Variants in SLC43A2 observed in about 807,000 individuals in gnomAD.
SLC43A2 encodes solute carrier family 43 member 2.
A neutral mutation model predicts 63.2 loss-of-function variants in SLC43A2; 38 were observed. The ratio of observed to expected loss-of-function variants is 0.60; its 90% CI spans 0.46 to 0.79. The LOEUF is 0.79. SLC43A2 is among the 30% of genes least tolerant of loss of function. The pLI, the probability that SLC43A2 is intolerant of heterozygous loss-of-function variation, is 0.00. For missense variants in SLC43A2, 644 were observed against 756.2 expected (o/e 0.85, Z 1.74); for synonymous variants, 322 against 331.0 (o/e 0.97, Z 0.30).
chr17:1,626,015 C>A (rs1308844581), intron 2 of SLC43A2, among the ~76,000 whole-genome samples: 21 of 135,330 alleles, frequency 1.6e-4, no homozygotes, highest in Non-Finnish European at 2.8e-4. Flanking sequence ...TAAAAAAAAA[C>A]AAAAAACAAA....
chr17:1,606,415 C>T lies in SLC43A2; in HGVS notation c.501+6780G>A, dbSNP rs1026836703. Among the ~76,000 whole-genome samples, 7 of 152,356 alleles carry T rather than the reference C, an allele frequency of 4.6e-5. No homozygotes were observed. Among genetic ancestry groups the T allele is most frequent in the African/African-American group, 1.7e-4 (7 of 41,580 alleles). On this transcript the variant is annotated intron_variant, in intron 5 of 13. Transcript: ENST00000301335. The surrounding 1 kb of genome is among the most constrained non-coding windows in gnomAD (Gnocchi z 4.7). Reference sequence around the variant, plus strand: ...TGAAGGAATCAAAAGGGAAAATCCACAGAGAAATGTCTCATCGGGGAGCCT... The same window carrying T: ...TGAAGGAATCAAAAGGGAAAATCCATAGAGAAATGTCTCATCGGGGAGCCT...
chr17:1,589,769 C>T (rs975521240), intron 9 of SLC43A2, among the ~76,000 whole-genome samples: 9 of 152,148 alleles, frequency 5.9e-5, no homozygotes, highest in African/African-American at 2.2e-4. Context: ...CAGGGGCCCA[C>T]CACCACGCCT....
intron 5 of SLC43A2, among the ~76,000 whole-genome samples, chr17:1,598,984 G>A (rs895851488): frequency 3.9e-5 from 6 of 152,186 alleles, no homozygotes; most frequent in African/African-American, 1.4e-4. Flanking sequence ...GTGCCTCAGG[G>A]GAACCACACT....
intron 2 of SLC43A2, 39 bp from the exon 3 acceptor site, chr17:1,616,808 T>C (rs755890998): frequency 2.5e-6 from 4 of 1,600,710 alleles, no homozygotes; most frequent in Non-Finnish European, 3.4e-6. Context: ...CTCAGGGTCA[T>C]GACAGGGATT....
At chr17:1,623,485 C>T (rs931026440) in intron 2 of SLC43A2, among the ~76,000 whole-genome samples, 2 of 152,286 alleles carry the variant, frequency 1.3e-5, no homozygotes, top group African/African-American at 4.8e-5. Flanking sequence ...AAGCCTCTAA[C>T]AGGGGAATTG....
chr17:1,591,726 G>T (rs747158625), intron 6 of SLC43A2, 27 bp from the exon 7 acceptor site: 7 of 1,000,290 alleles, frequency 7.0e-6, no homozygotes, highest in Admixed American at 4.4e-5. Context: ...GGACGGGGTG[G>T]GGGGGGGAGG....
Position 1,585,920 on chromosome 17 carries a change from C to G in SLC43A2, c.1210G>C (p.Ala404Pro). 3.1e-6 allele frequency: 5 copies of G among 1,613,744 alleles called. No homozygotes were observed. Among genetic ancestry groups the G allele is most frequent in the Non-Finnish European group, 4.2e-6 (5 of 1,179,996 alleles). ...DASEEPEEKD[A>P]NQGEKKKKKR... ...CCGGCCCTGCCTACGCACTGGTTGG[C>G]GTCTTTCTCCTCGGGCTCCTCGGAG... Residue 404 changes from alanine (A) to proline (P), a missense_variant, in exon 10 of 14, where the codon GCC becomes CCC. By Grantham distance (27) the Ala-to-Pro change is conservative. Around this residue, in one of 3 missense-constraint regions of SLC43A2, gnomAD observed 528 missense variants for 623.6 expected, o/e 0.85. Transcript: ENST00000301335.
chr17:1,611,190 A>C (rs931433519), intron 5 of SLC43A2, among the ~76,000 whole-genome samples: 19 of 152,030 alleles, frequency 1.2e-4, no homozygotes, highest in African/African-American at 3.9e-4. Context: ...CAGACAAAAC[A>C]CCTCTCGGCA....
rs927033689 is a variant in SLC43A2, at chr17:1,583,920, G to C, written c.1218-584C>G. 6.6e-6 allele frequency among the ~76,000 whole-genome samples: 1 copy of C among 151,810 alleles called. No individual in the cohort carries two copies. The highest frequency in any genetic ancestry group is 1.5e-5 in the Non-Finnish European group (1 of 67,928). ...GTTCTTTGGGTTTTTTTTTGAGATG[G>C]AGTCTCGCTCTGTCACCCGGGCTGG... On this transcript the variant is annotated intron_variant, in intron 10 of 13. Coordinates refer to ENST00000301335, the MANE Select transcript of SLC43A2 (RefSeq NM_152346.3). This position sits in a 1 kb window ranked among gnomAD's most constrained non-coding sequence, Gnocchi z 5.5.
chr17:1,588,907 G>GC (rs1222902034), intron 9 of SLC43A2, among the ~76,000 whole-genome samples: 7 of 152,142 alleles, frequency 4.6e-5, no homozygotes, highest in African/African-American at 1.7e-4. Flanking sequence ...GGCCGTACGC[G>GC]GAGGCGATGG....
At chr17:1,613,486 C>A (rs553375431) in intron 4 of SLC43A2, among the ~76,000 whole-genome samples, 2 of 152,216 alleles carry the variant, frequency 1.3e-5, no homozygotes, top group East Asian at 3.9e-4. Flanking sequence ...TAGTTTTGCT[C>A]TTGTCACCCA....
At chr17:1,628,279 A>G (rs982410368) in intron 1 of SLC43A2, 5 of 162,828 alleles carry the variant, frequency 3.1e-5, no homozygotes, top group Non-Finnish European at 6.6e-5. Flanking sequence ...TGGGGCCAGC[A>G]TGGAACGCAG....
intron 9 of SLC43A2, chr17:1,586,928 T>TGGGCGCC: frequency 2.4e-6 from 3 of 1,232,912 alleles, no homozygotes; most frequent in Non-Finnish European, 2.2e-6. Flanking sequence ...TCCCTGACAA[T>TGGGCGCC]CCCCCCCACC....
At chr17:1,629,475 C>A (rs1332697095), upstream of SLC43A2, among the ~76,000 whole-genome samples, 2 of 152,256 alleles carry the variant, frequency 1.3e-5, no homozygotes, top group Non-Finnish European at 2.9e-5. Flanking sequence ...GATGCACCGA[C>A]CCCTTCCCCT....
At chr17:1,590,436 G>A (rs968081331) in intron 9 of SLC43A2, among the ~76,000 whole-genome samples, 2 of 152,148 alleles carry the variant, frequency 1.3e-5, no homozygotes, top group Non-Finnish European at 2.9e-5. Context: ...CACTTTCTGG[G>A]AGGACTTTGG....
Position 1,605,315 on chromosome 17 carries a change from C to T in SLC43A2, c.501+7880G>A, listed in dbSNP as rs1331929578. On this transcript the variant is annotated intron_variant, in intron 5 of 13. Coordinates refer to ENST00000301335, the MANE Select transcript of SLC43A2 (RefSeq NM_152346.3). The surrounding 1 kb of genome is among the most constrained non-coding windows in gnomAD (Gnocchi z 4.9). ...CAGAGGGGAAAACAGCAGCTGCAGG[C>T]GGCCCCTCCCCTGGCATTCTGGCCA... is the stretch of plus-strand genomic sequence containing the variant. 9.5e-6 allele frequency: 8 copies of T among 841,434 alleles called. No homozygotes were observed. The highest frequency in any genetic ancestry group is 1.2e-5 in the Non-Finnish European group (8 of 687,112). The allele number at this position is 841,434 out of a possible 1,614,324, so 52.1% of individuals were successfully genotyped here. A position where few individuals can be genotyped will look rare whatever the true frequency, so the allele number is the denominator to read the frequency against.
rs1905028257 is a variant in SLC43A2 at position 1,593,719 on chromosome 17, C to T, written c.502-440G>A. ...TAAAAATATCAGCATTCCAGAAAGACCAGATGTCAGCAAAAACTGCTTTTG... is the reference window on the plus strand; with the variant it reads ...TAAAAATATCAGCATTCCAGAAAGATCAGATGTCAGCAAAAACTGCTTTTG... On this transcript the variant is annotated intron_variant, in intron 5 of 13. Transcript: ENST00000301335. The surrounding 1 kb of genome is among the most constrained non-coding windows in gnomAD (Gnocchi z 5.3). 6.6e-6 allele frequency among the ~76,000 whole-genome samples: 1 copy of T among 152,070 alleles called. No individual in the cohort carries two copies. The highest frequency in any genetic ancestry group is 2.4e-5 in the African/African-American group (1 of 41,400).
intron 1 of SLC43A2, among the ~76,000 whole-genome samples, chr17:1,628,549 G>T (rs1319228803): frequency 1.3e-5 from 2 of 152,138 alleles, no homozygotes; most frequent in Non-Finnish European, 2.9e-5. Flanking sequence ...GGTTCAAACC[G>T]GTGGCGCGAG....
At chr17:1,589,680 C>T (rs561444304) in intron 9 of SLC43A2, among the ~76,000 whole-genome samples, 54 of 152,216 alleles carry the variant, frequency 3.5e-4, no homozygotes, top group South Asian at 6.2e-4. Context: ...AGTGCAGTGG[C>T]GCAATCTCGG....
Sources: allele counts gnomAD v4.1 joint callset (sites outside exome capture counted in the v4.1 genomes callset), GRCh38; gene constraint gnomAD v4.1.1; regional missense constraint gnomAD v4.1.1; non-coding constraint Gnocchi (gnomAD v3.1); transcripts MANE v1.5; gene names NCBI Gene and HGNC (gene_info 2026-07-23, HGNC 2026-07-21).